Variants in SHB observed in about 807,000 individuals in gnomAD.
SHB encodes SH2 domain containing adaptor protein B, also known as SH2 domain-containing adapter protein B.
A neutral mutation model predicts 52.3 loss-of-function variants in SHB; 20 were observed. That is an observed-to-expected ratio of 0.38 (90% CI 0.27 to 0.56). The LOEUF is 0.56. Ranked by LOEUF, SHB falls within the 20% of genes least tolerant of loss-of-function variation. The pLI is 0.71. For missense variants in SHB, 825 were observed against 723.3 expected, an observed-to-expected ratio of 1.14 and a Z score of -1.61; for synonymous variants, 397 against 316.5, an observed-to-expected ratio of 1.25 and a Z score of -2.70.
intron 2 of SHB, among the ~76,000 whole-genome samples, chr9:38,013,674 G>A (rs1354088963): frequency 1.3e-5 from 2 of 152,214 alleles, no homozygotes; most frequent in Non-Finnish European, 2.9e-5. Context: ...GTCTTCAGCA[G>A]CACCCAGTAG....
At chr9:37,932,136 G>A (rs557271573) in intron 5 of SHB, among the ~76,000 whole-genome samples, 4 of 151,816 alleles carry the variant, frequency 2.6e-5, no homozygotes, top group African/African-American at 9.7e-5. Flanking sequence ...ACAAAAATTA[G>A]CCAGGCATGG....
At position 37,919,596 on chromosome 9, in the gene SHB, G is replaced by A. The variant is rs1052459801; in HGVS notation, c.*225C>T. ...ATTCACAGAAACTCAAGGAGAGGGT[G>A]GGGGTGGGGGCTGGGGTGGTGTGTT... On this transcript the variant is annotated 3_prime_UTR_variant, in exon 6 of 6. Transcript: ENST00000377707. The A allele has an allele frequency of 1.4e-5, 6 of 423,118 alleles. No homozygotes were observed. The highest frequency in any genetic ancestry group is 4.0e-5 in the African/African-American group (2 of 49,506). The allele number at this position is 423,118 out of a possible 1,614,324, so 26.2% of individuals were successfully genotyped here. A position where few individuals can be genotyped will look rare whatever the true frequency, so the allele number is the denominator to read the frequency against.
At chr9:37,940,214 G>A (rs1023043741) in intron 5 of SHB, among the ~76,000 whole-genome samples, 5 of 152,212 alleles carry the variant, frequency 3.3e-5, no homozygotes, top group Non-Finnish European at 7.3e-5. Context: ...TCCAGAAGAG[G>A]TGCCAGTCTA....
chr9:37,927,447 C>T (rs961765891), intron 5 of SHB, among the ~76,000 whole-genome samples: 4 of 152,218 alleles, frequency 2.6e-5, no homozygotes, highest in Admixed American at 2.0e-4. Context: ...TTAGCCTACC[C>T]GAGACGCCAG....
intron 2 of SHB, among the ~76,000 whole-genome samples, chr9:37,997,723 G>A (rs1249598216): frequency 6.6e-6 from 1 of 152,188 alleles, no homozygotes; most frequent in East Asian, 1.9e-4. Flanking sequence ...CACCACCTCA[G>A]GACTGGAACC....
intron 3 of SHB, among the ~76,000 whole-genome samples, chr9:37,970,728 C>T (rs1418149680): frequency 6.6e-6 from 1 of 152,024 alleles, no homozygotes; most frequent in East Asian, 1.9e-4. Flanking sequence ...CCCTGCCTCG[C>T]TCAAGCTTCT....
At chr9:37,965,556 G>C (rs1832739609) in intron 3 of SHB, among the ~76,000 whole-genome samples, 1 of 151,006 alleles carries the variant, frequency 6.6e-6, no homozygotes. Flanking sequence ...GTTTTCCTGA[G>C]ACCCGATTTA....
At chr9:38,049,635 CAAAAA>C (rs147034881) in intron 1 of SHB, among the ~76,000 whole-genome samples, 2 of 68,510 alleles carry the variant, frequency 2.9e-5, no homozygotes, top group African/African-American at 5.1e-5. Flanking sequence ...AAAAACAAAG[CAAAAA>C]AAAAAAAAAA....
intron 1 of SHB, among the ~76,000 whole-genome samples, chr9:38,017,122 A>G (rs1821223348): frequency 6.6e-6 from 1 of 152,180 alleles, no homozygotes; most frequent in South Asian, 2.1e-4. Flanking sequence ...TAGGAGAGGC[A>G]CAGAACCCAC....
At chr9:38,060,652 T>C (rs536734052) in intron 1 of SHB, among the ~76,000 whole-genome samples, 2 of 152,294 alleles carry the variant, frequency 1.3e-5, no homozygotes, top group South Asian at 4.1e-4. Context: ...AATAAAAGTA[T>C]TAGCTAATAT....
chr9:37,970,488 G>A (rs10758467), intron 3 of SHB, among the ~76,000 whole-genome samples: 80,808 of 152,028 alleles, frequency 0.53, 21,545 homozygotes, highest in East Asian at 0.8. Context: ...AGGGCGCCCC[G>A]GTGGAGAATG....
chr9:37,957,538 G>A (rs138933784), intron 3 of SHB, among the ~76,000 whole-genome samples: 22 of 152,316 alleles, frequency 1.4e-4, no homozygotes, highest in Admixed American at 4.6e-4. Flanking sequence ...CAGAGACACC[G>A]GACCCACCCA....
intron 4 of SHB, among the ~76,000 whole-genome samples, chr9:37,955,662 C>A (rs13287570): frequency 6.1e-5 from 9 of 147,490 alleles, no homozygotes; most frequent in Non-Finnish European, 1.2e-4. Context: ...ATTTTTTTTT[C>A]TTTTTTTTGT....
chr9:38,031,812 G>T (rs974606157), intron 1 of SHB, among the ~76,000 whole-genome samples: 2 of 152,168 alleles, frequency 1.3e-5, no homozygotes, highest in African/African-American at 4.8e-5. Context: ...CCTGCCACTG[G>T]AAACATTCTA....
intron 5 of SHB, among the ~76,000 whole-genome samples, chr9:37,934,107 A>AAC (rs930703724): frequency 6.6e-6 from 1 of 152,160 alleles, no homozygotes; most frequent in African/African-American, 2.4e-5. Flanking sequence ...GGCTGGACAC[A>AAC]ACTCCATCAT....
intron 1 of SHB, among the ~76,000 whole-genome samples, chr9:38,054,302 C>G (rs1051078063): frequency 9.2e-5 from 14 of 152,220 alleles, no homozygotes; most frequent in Admixed American, 2.0e-4. Context: ...GAATGCCCAA[C>G]CCTGACATCA....
At chr9:38,061,759 T>C (rs529385069) in intron 1 of SHB, among the ~76,000 whole-genome samples, 1 of 152,324 alleles carries the variant, frequency 6.6e-6, no homozygotes, top group Admixed American at 6.5e-5. Flanking sequence ...CTTAAGTTCC[T>C]TGTTGATCAG....
chr9:38,051,496 G>A (rs905775808), intron 1 of SHB, among the ~76,000 whole-genome samples: 12 of 151,178 alleles, frequency 7.9e-5, no homozygotes, highest in Non-Finnish European at 1.5e-4. Flanking sequence ...GCAAGTAGGC[G>A]AGACCTCAAA....
intron 2 of SHB, among the ~76,000 whole-genome samples, chr9:37,990,037 C>T (rs1305840389): frequency 6.6e-6 from 1 of 152,162 alleles, no homozygotes; most frequent in African/African-American, 2.4e-5. Context: ...CCTGAAAAGC[C>T]GTCCTTAAGA....
Sources: gnomAD v4.1 joint callset for allele counts (sites outside exome capture counted in the v4.1 genomes callset) on GRCh38, gnomAD v4.1.1 for gene constraint, MANE v1.5 for transcripts, NCBI Gene and HGNC (gene_info 2026-07-23, HGNC 2026-07-21) for gene names.